The following MMD2 variants were observed in gnomAD, a reference collection of about 807,000 sequenced individuals.
MMD2 encodes monocyte to macrophage differentiation factor 2.
In MMD2, 30 loss-of-function variants were observed where a neutral mutation model predicts 33.5. The observed-to-expected ratio is 0.90, with a 90% CI of 0.67 to 1.22. The LOEUF (loss-of-function observed/expected upper bound fraction) is 1.22. MMD2 is among the 50% of genes most tolerant of loss of function. The pLI is 0.00. For synonymous variants in MMD2, 129 were observed against 123.0 expected (o/e 1.05, Z -0.32); for missense variants, 364 against 325.4 (o/e 1.12, Z -0.91).
intron 1 of MMD2, among the ~76,000 whole-genome samples, chr7:4,938,169 C>T (rs967560496): frequency 7.2e-5 from 11 of 151,742 alleles, no homozygotes; most frequent in African/African-American, 2.7e-4. Context: ...CACCACTATG[C>T]CAGGCTAATT....
intron 2 of MMD2, among the ~76,000 whole-genome samples, chr7:4,920,922 T>C (rs1178996570): frequency 6.6e-6 from 1 of 151,978 alleles, no homozygotes; most frequent in Non-Finnish European, 1.5e-5. Context: ...CTGGCTATAA[T>C]GCCCAGGCTG....
chr7:4,923,129 C>G (rs1273642411), intron 2 of MMD2, among the ~76,000 whole-genome samples: 1 of 151,244 alleles, frequency 6.6e-6, no homozygotes, highest in Non-Finnish European at 1.5e-5. Context: ...ACGAGTTTCA[C>G]TCATTCTGTC....
Position 4,959,154 on chromosome 7 carries a change from GGAGCCGGAGCCC to G in MMD2, c.-149_-138del, listed in dbSNP as rs1411110365. The G allele has an allele frequency of 3.6e-3, 2,273 of 626,122 alleles. 6 individuals carry two copies. Among genetic ancestry groups the G allele is most frequent in the Non-Finnish European group, 4.6e-3 (2,057 of 443,088 alleles). 38.8% of individuals were successfully genotyped at this position (626,122 alleles called of 1,614,324 possible). A position where few individuals can be genotyped will look rare whatever the true frequency, so the allele number is the denominator to read the frequency against. Reference sequence around the variant, plus strand: ...GGGGACCTGGTCGGCGCCCGGAGCCGGAGCCGGAGCCCGAGCCGGAGCTGGAGGCGCCCGGAG... The same window carrying G: ...GGGGACCTGGTCGGCGCCCGGAGCCGGAGCCGGAGCTGGAGGCGCCCGGAG... On this transcript the variant is annotated 5_prime_UTR_variant, in exon 1 of 7. Coordinates refer to ENST00000401401, the MANE Select transcript of MMD2 (RefSeq NM_198403.4).
intron 4 of MMD2, 92 bp from the exon 5 acceptor site, chr7:4,911,338 A>T: frequency 9.7e-7 from 1 of 1,026,720 alleles, no homozygotes. Context: ...AATGGACCCC[A>T]GGGAAGTCCT....
Position 4,920,199 on chromosome 7 carries a change from T to C in MMD2, c.262A>G (p.Thr88Ala), listed in dbSNP as rs768953476. 3 of 1,569,908 alleles carry C rather than the reference T, an allele frequency of 1.9e-6. No homozygotes were observed. Among genetic ancestry groups the C allele is most frequent in the Non-Finnish European group, 1.7e-6 (2 of 1,158,110 alleles). Residue 88 changes from threonine to alanine, a missense_variant, in exon 3 of 7, where the codon ACC (threonine) becomes GCC (alanine). By Grantham distance (58) the Thr-to-Ala change is moderately conservative. Coordinates refer to ENST00000401401, the MANE Select transcript of MMD2 (RefSeq NM_198403.4). ...AGGTGGCTCTTCTTCCAGGAGATGGTGTGAAACACAGTGGACACCACGAAG... is the reference window on the plus strand; with the variant it reads ...AGGTGGCTCTTCTTCCAGGAGATGGCGTGAAACACAGTGGACACCACGAAG... ...GLFVVSTVFH[T>A]ISWKKSHLRM...
chr7:4,904,405 C>A (rs1003332336), downstream of MMD2, among the ~76,000 whole-genome samples: 1 of 152,198 alleles, frequency 6.6e-6, no homozygotes, highest in Non-Finnish European at 1.5e-5. Context: ...GGGAAAATCA[C>A]TTCCAGAATG....
At chr7:4,932,287 A>G (rs1315466959) in intron 1 of MMD2, among the ~76,000 whole-genome samples, 1 of 152,158 alleles carries the variant, frequency 6.6e-6, no homozygotes, top group African/African-American at 2.4e-5. Context: ...ACCAAGAAAC[A>G]GTGTTCCCAC....
At chr7:4,902,788 G>A (rs1240466501), downstream of MMD2, among the ~76,000 whole-genome samples, 1 of 152,116 alleles carries the variant, frequency 6.6e-6, no homozygotes, top group East Asian at 1.9e-4. Flanking sequence ...CCAACCCTTT[G>A]ACCTCTACCT....
chr7:4,903,816 A>ACTGCTCTCCTGACTCC (rs1784825610), downstream of MMD2, among the ~76,000 whole-genome samples: 1 of 152,194 alleles, frequency 6.6e-6, no homozygotes, highest in African/African-American at 2.4e-5. Flanking sequence ...CCTGCTGCCG[A>ACTGCTCTCCTGACTCC]CTGCTCTCCT....
chr7:4,947,902 GT>G (rs1562495346), intron 1 of MMD2, among the ~76,000 whole-genome samples: 1 of 151,778 alleles, frequency 6.6e-6, no homozygotes, highest in East Asian at 1.9e-4. Context: ...GTTTCACCGT[GT>G]TAGCCAGGAT....
intron 5 of MMD2, 101 bp downstream of exon 5, chr7:4,911,044 G>A (rs539781577): frequency 1.7e-5 from 17 of 1,003,438 alleles, no homozygotes; most frequent in Admixed American, 1.4e-4. Flanking sequence ...GTGCTCTCAC[G>A]ATTATGAGAT....
chr7:4,900,747 C>T, the MMD2 span, among the ~76,000 whole-genome samples: 1 of 152,124 alleles, frequency 6.6e-6, no homozygotes, highest in Non-Finnish European at 1.5e-5. Flanking sequence ...CTGCCACCCA[C>T]CAGATCAGCA....
chr7:4,894,550 T>C, the MMD2 span, among the ~76,000 whole-genome samples: 1 of 152,004 alleles, frequency 6.6e-6, no homozygotes, highest in Non-Finnish European at 1.5e-5. This position sits in a 1 kb window ranked among gnomAD's most constrained non-coding sequence, Gnocchi z 4.3. Context: ...CCCATCCTAA[T>C]CACCCCAGGG....
intron 1 of MMD2, among the ~76,000 whole-genome samples, chr7:4,934,464 G>A (rs1785682626): frequency 6.6e-6 from 1 of 152,188 alleles, no homozygotes; most frequent in Non-Finnish European, 1.5e-5. Context: ...GAACAGAGGT[G>A]GCAGTCAGAG....
In MMD2 at chr7:4,939,094, C is replaced by A. The variant is rs529353464; in HGVS notation, c.48-13562G>T. ...GCATGGTGGTGTAATCCCAGCCACT[C>A]GGGAGACTGAGGCAGGAGAATCACT... On this transcript the variant is annotated intron_variant, in intron 1 of 6. Coordinates refer to ENST00000401401, the MANE Select transcript of MMD2 (RefSeq NM_198403.4). Among the ~76,000 whole-genome samples, 50 of 152,110 alleles carry A rather than the reference C, an allele frequency of 3.3e-4. No homozygotes were observed. In the South Asian group the frequency reaches 9.7e-3, roughly 30 times the overall value.
the MMD2 span, among the ~76,000 whole-genome samples, chr7:4,894,829 A>G: frequency 6.6e-6 from 1 of 152,134 alleles, no homozygotes; most frequent in African/African-American, 2.4e-5. This position sits in a 1 kb window ranked among gnomAD's most constrained non-coding sequence, Gnocchi z 4.3. Context: ...TTCCGTGTCC[A>G]GGAAGAATCA....
chr7:4,929,771 C>A (rs955025964), intron 1 of MMD2, among the ~76,000 whole-genome samples: 18 of 152,164 alleles, frequency 1.2e-4, no homozygotes, highest in Admixed American at 3.3e-4. Flanking sequence ...GATCTGCCTG[C>A]CTCAGCCTCC....
chr7:4,958,106 G>C lies in MMD2; in HGVS notation c.47+865C>G, dbSNP rs1786436673. Among the ~76,000 whole-genome samples, 3 of 152,182 alleles carry C rather than the reference G, an allele frequency of 2.0e-5. No homozygotes were observed. The South Asian group carries it at 6.2e-4, about 32-fold the overall frequency. On this transcript the variant is annotated intron_variant, in intron 1 of 6. Transcript: ENST00000401401. ...GGACCCCAGGTGGCAGAGGGGGAAA[G>C]GTGACCTGGAGGACAGCCTGGTGCC... is the stretch of plus-strand genomic sequence containing the variant.
intron 1 of MMD2, among the ~76,000 whole-genome samples, chr7:4,948,798 C>A (rs938565121): frequency 2.0e-5 from 3 of 152,006 alleles, no homozygotes; most frequent in African/African-American, 4.8e-5. Flanking sequence ...GTGTTTTTTT[C>A]TTTCCAAAAT....
Sources: allele counts gnomAD v4.1 joint callset (sites outside exome capture counted in the v4.1 genomes callset), GRCh38; gene constraint gnomAD v4.1.1; non-coding constraint Gnocchi (gnomAD v3.1); transcripts MANE v1.5; gene names NCBI Gene and HGNC (gene_info 2026-07-23, HGNC 2026-07-21).